PDE1C: variants seen among roughly 807,000 people sequenced by gnomAD.
PDE1C encodes dual specificity calcium/calmodulin-dependent 3',5'-cyclic nucleotide phosphodiesterase 1C.
In PDE1C, 62 loss-of-function variants were observed where a neutral mutation model predicts 93.1. The ratio of observed to expected loss-of-function variants is 0.67; its 90% CI spans 0.54 to 0.82. The LOEUF (loss-of-function observed/expected upper bound fraction) is 0.82. PDE1C is among the 40% of genes least tolerant of loss of function. The pLI, the probability that PDE1C is intolerant of heterozygous loss-of-function variation, is 0.00. For missense variants in PDE1C, 742 were observed against 884.6 expected (o/e 0.84, Z 2.04); for synonymous variants, 325 against 310.1 (o/e 1.05, Z -0.50).
intron 2 of PDE1C, among the ~76,000 whole-genome samples, chr7:31,926,005 TCAAA>T (rs1198244954): frequency 6.9e-6 from 1 of 144,878 alleles, no homozygotes; most frequent in East Asian, 2.3e-4. Flanking sequence ...CCACACAATC[TCAAA>T]CAGTCTATGC....
chr7:32,035,658 G>A (rs2128646187), intron 2 of PDE1C, among the ~76,000 whole-genome samples: 1 of 152,272 alleles, frequency 6.6e-6, no homozygotes. Flanking sequence ...CCTTGCGGGG[G>A]TAAAGAGCAT....
the PDE1C span, among the ~76,000 whole-genome samples, chr7:31,733,669 T>C: frequency 6.6e-6 from 1 of 152,208 alleles, no homozygotes; most frequent in Non-Finnish European, 1.5e-5. Flanking sequence ...TCATCTCTTT[T>C]TGAAGTTATT....
intron 6 of PDE1C, among the ~76,000 whole-genome samples, chr7:31,865,905 A>G (rs1017598279): frequency 1.3e-5 from 2 of 152,172 alleles, no homozygotes; most frequent in African/African-American, 4.8e-5. Context: ...GCTGCATAGT[A>G]TGTATTCATT....
chr7:31,865,757 T>C (rs1795213669), intron 6 of PDE1C, among the ~76,000 whole-genome samples: 1 of 152,216 alleles, frequency 6.6e-6, no homozygotes, highest in Non-Finnish European at 1.5e-5. Flanking sequence ...GTTTTGATTT[T>C]GTTTTGTTTT....
rs560183712 is a variant in PDE1C at position 32,101,086 on chromosome 7, C to T, written c.308+68699G>A. 2.6e-5 allele frequency among the ~76,000 whole-genome samples: 4 copies of T among 152,282 alleles called. No individual in the cohort carries two copies. In the East Asian group the frequency reaches 5.8e-4, roughly 22 times the overall value. On this transcript the variant is annotated intron_variant, in intron 3 of 18. Coordinates refer to the PDE1C transcript ENST00000396193. Reference sequence around the variant, plus strand: ...CAAGACCCAGATCTAAATTTGCTTGCCCCCTCAATATAAGTTGTTCTTTTC... The same window carrying T: ...CAAGACCCAGATCTAAATTTGCTTGTCCCCTCAATATAAGTTGTTCTTTTC...
At chr7:32,154,999 C>T (rs1053748755) in intron 3 of PDE1C, among the ~76,000 whole-genome samples, 23 of 152,242 alleles carry the variant, frequency 1.5e-4, no homozygotes, top group Admixed American at 1.3e-4. Flanking sequence ...GCCAGTGCTG[C>T]AGTGAGAGTC....
chr7:32,182,674 T>C (rs1440331425), intron 2 of PDE1C, among the ~76,000 whole-genome samples: 3 of 152,108 alleles, frequency 2.0e-5, no homozygotes, highest in Non-Finnish European at 2.9e-5. Flanking sequence ...CTGTCTATGA[T>C]AAACCCACAG....
chr7:31,649,427 A>G, the PDE1C span, among the ~76,000 whole-genome samples: 1 of 152,204 alleles, frequency 6.6e-6, no homozygotes, highest in Admixed American at 6.5e-5. Context: ...CCTTTAAAGC[A>G]CACCACAGAA....
intron 3 of PDE1C, among the ~76,000 whole-genome samples, chr7:32,104,890 G>A (rs772661795): frequency 6.6e-6 from 1 of 152,210 alleles, no homozygotes; most frequent in Non-Finnish European, 1.5e-5. Context: ...ATGCATGGCA[G>A]AAGGAACCCT....
chr7:31,652,676 C>G, the PDE1C span: 3 of 1,613,952 alleles, frequency 1.9e-6, no homozygotes, highest in Non-Finnish European at 2.5e-6. Flanking sequence ...AGGAGGCTCC[C>G]TGTTCAGGTG....
intron 1 of PDE1C, among the ~76,000 whole-genome samples, chr7:32,222,320 C>A (rs1048423639): frequency 1.3e-5 from 2 of 152,170 alleles, no homozygotes; most frequent in African/African-American, 2.4e-5. Flanking sequence ...GCATTTTGGG[C>A]AAGGAACTTA....
At chr7:31,863,936 T>C (rs560819406) in intron 7 of PDE1C, among the ~76,000 whole-genome samples, 42 of 152,280 alleles carry the variant, frequency 2.8e-4, no homozygotes, top group African/African-American at 9.4e-4. Flanking sequence ...CCATTTTTAA[T>C]TCAGTGAGAT....
chr7:31,732,453 T>C, the PDE1C span, among the ~76,000 whole-genome samples: 3 of 152,138 alleles, frequency 2.0e-5, no homozygotes, highest in Non-Finnish European at 1.5e-5. Flanking sequence ...CAATTAGTTG[T>C]AGGTCTTAAG....
the PDE1C span, chr7:31,695,847 T>G: frequency 2.9e-6 from 1 of 349,066 alleles, no homozygotes. Flanking sequence ...TACCTACCAA[T>G]AGTGAAACCA....
chr7:32,007,355 T>C (rs1786417015), intron 2 of PDE1C, among the ~76,000 whole-genome samples: 1 of 152,156 alleles, frequency 6.6e-6, no homozygotes, highest in African/African-American at 2.4e-5. Flanking sequence ...CTAGCTCTAC[T>C]TTTTTTCTAG....
At chr7:32,256,286 T>C (rs1468614560) in intron 1 of PDE1C, among the ~76,000 whole-genome samples, 2 of 152,204 alleles carry the variant, frequency 1.3e-5, no homozygotes, top group East Asian at 3.8e-4. Flanking sequence ...TGGAGTTTTC[T>C]AAAAGTTTAG....
rs532921238 is a variant in PDE1C at position 32,083,248 on chromosome 7, T to A, written c.308+86537A>T. ...ATGCGATCAACTGGAAGAAAGGGTA[T>A]CAGTGATGGAAGATGAAATGAATGA... On this transcript the variant is annotated intron_variant, in intron 3 of 18. Coordinates refer to the PDE1C transcript ENST00000396193. Among the ~76,000 whole-genome samples the A allele has an allele frequency of 1.7e-4, 25 of 151,222 alleles. No individual in the cohort carries two copies. The East Asian group carries it at 3.9e-3, about 24-fold the overall frequency.
chr7:31,664,933 G>T, the PDE1C span, among the ~76,000 whole-genome samples: 53 of 152,220 alleles, frequency 3.5e-4, no homozygotes, highest in Admixed American at 8.5e-4. Context: ...CATAAATCAG[G>T]TACATTGGCC....
At chr7:32,082,895 G>C (rs1174563111) in intron 3 of PDE1C, among the ~76,000 whole-genome samples, 2 of 151,306 alleles carry the variant, frequency 1.3e-5, no homozygotes, top group African/African-American at 4.9e-5. Context: ...AAACCACAAA[G>C]ATGGGGAAAA....
Sources: allele counts gnomAD v4.1 joint callset (sites outside exome capture counted in the v4.1 genomes callset), GRCh38; gene constraint gnomAD v4.1.1; transcripts MANE v1.5; gene names NCBI Gene and HGNC (gene_info 2026-07-23, HGNC 2026-07-21).